NKAP: variants seen among roughly 807,000 people sequenced by gnomAD.
The protein encoded by NKAP is NFKB activating protein.
In NKAP, 4 loss-of-function variants were observed where a neutral mutation model predicts 35.6. That is an observed-to-expected ratio of 0.11 (90% CI 0.06 to 0.26). The LOEUF (loss-of-function observed/expected upper bound fraction) is 0.26. NKAP is among the 10% of genes least tolerant of loss of function. The pLI, the probability that NKAP is intolerant of heterozygous loss-of-function variation, is 1.00. For missense variants in NKAP, 238 were observed against 321.9 expected, an observed-to-expected ratio of 0.74 and a Z score of 1.99; for synonymous variants, 106 against 119.2, an observed-to-expected ratio of 0.89 and a Z score of 0.72.
chrX:119,920,686 A>G lies in NKAP; in HGVS notation c.*4534T>C. 2.7e-6 allele frequency: 2 copies of G among 741,918 alleles called. No homozygotes were observed. Among genetic ancestry groups the G allele is most frequent in the South Asian group, 6.3e-5 (2 of 31,699 alleles). The allele number at this position is 741,918 out of a possible 1,213,427, so 61.1% of individuals were successfully genotyped here. On this transcript the variant is annotated 3_prime_UTR_variant, in exon 9 of 9. Transcript: ENST00000371410. ...AATACAGCACGTCAAACCACAGAAT[A>G]TTTATTGAGTAATAAACTTGTGGCA...
chrX:119,925,935 T>TTTTC (rs1556402589), intron 8 of NKAP, among the ~76,000 whole-genome samples: 1 of 74,571 alleles, frequency 1.3e-5, no homozygotes, highest in South Asian at 7.2e-4. Flanking sequence ...TTTTCTTTTT[T>TTTTC]TTTTTTTTTT....
In NKAP at chrX:119,925,154, T is replaced by C. The variant is rs11550889; in HGVS notation, c.*66A>G. 2.9e-5 allele frequency: 31 copies of C among 1,067,758 alleles called. 1 individual carries two copies. The Middle Eastern group carries it at 4.3e-3, about 147-fold the overall frequency. 88.0% of individuals were successfully genotyped at this position (1,067,758 alleles called of 1,213,427 possible). On this transcript the variant is annotated 3_prime_UTR_variant, in exon 9 of 9. Coordinates refer to ENST00000371410, the MANE Select transcript of NKAP (RefSeq NM_024528.4). ...CTCAGAACATAATAATCTTTTTCTA[T>C]GTATGTGTGGAACCCAGACTTTCTT...
At position 119,930,012 on chromosome X, in the gene NKAP, A is replaced by G. The variant is rs775902506; in HGVS notation, c.1073+4T>C. On this transcript the variant is annotated splice_donor_region_variant and intron_variant, in intron 8 of 8. Coordinates refer to ENST00000371410, the MANE Select transcript of NKAP (RefSeq NM_024528.4). ...GGAAACTGAGCTTAATGCCAACAACATACCTGCTACCACTCATTACATAAC... is the reference window on the plus strand; with the variant it reads ...GGAAACTGAGCTTAATGCCAACAACGTACCTGCTACCACTCATTACATAAC... 99 of 1,187,476 alleles carry G rather than the reference A, an allele frequency of 8.3e-5. 1 individual carries two copies. The South Asian group carries it at 1.9e-3, about 22-fold the overall frequency.
At chrX:119,931,693 C>T (rs1186507423) in intron 7 of NKAP, among the ~76,000 whole-genome samples, 1 of 110,730 alleles carries the variant, frequency 9.0e-6, no homozygotes, top group African/African-American at 3.3e-5. Context: ...CAGGAAGAAA[C>T]TGGCGATAGG....
intron 1 of NKAP, 121 bp downstream of exon 1, chrX:119,943,098 GA>G: frequency 1.1e-6 from 1 of 936,873 alleles, no homozygotes; most frequent in Non-Finnish European, 1.5e-6. Flanking sequence ...AGAAAGGGAT[GA>G]AAATGGGCGC....
At position 119,925,310 on chromosome X, in the gene NKAP, G is replaced by A. The variant is rs1181541161; in HGVS notation, c.1158C>T (p.Asn386=). 7.4e-6 allele frequency: 9 copies of A among 1,210,801 alleles called. No homozygotes were observed. Among genetic ancestry groups the A allele is most frequent in the Admixed American group, 2.2e-5 (1 of 45,846 alleles). Residue 386 remains asparagine, a synonymous_variant, in exon 9 of 9, where the codon AAC becomes AAT. Transcript: ENST00000371410. ...ADEKRALASF[N]QEERRKRENK... Reference sequence around the variant, plus strand: ...TCTCTCTCTTTCGTCTCTCTTCTTGGTTAAAGGATGCAAGGGCTCTCTTCT... The same window carrying A: ...TCTCTCTCTTTCGTCTCTCTTCTTGATTAAAGGATGCAAGGGCTCTCTTCT...
intron 1 of NKAP, among the ~76,000 whole-genome samples, chrX:119,942,198 C>T (rs965056734): frequency 1.8e-5 from 2 of 111,313 alleles, no homozygotes; most frequent in Admixed American, 9.6e-5. Context: ...CTCGGCAGGG[C>T]ATGTGGGGTC....
intron 8 of NKAP, among the ~76,000 whole-genome samples, chrX:119,926,608 G>A (rs975081730): frequency 9.0e-6 from 1 of 111,169 alleles, no homozygotes; most frequent in Non-Finnish European, 1.9e-5. Context: ...CGTCTAATTT[G>A]TTTCCAGTAA....
chrX:119,931,914 T>C (rs1282272778), intron 7 of NKAP, 22 bp downstream of exon 7: 1 of 1,134,025 alleles, frequency 8.8e-7, no homozygotes, highest in South Asian at 1.9e-5. Flanking sequence ...ACTTTAGATA[T>C]TATAAACACA....
At chrX:119,933,291 CT>C (rs2056750579) in intron 5 of NKAP, among the ~76,000 whole-genome samples, 1 of 111,979 alleles carries the variant, frequency 8.9e-6, no homozygotes, top group Admixed American at 9.6e-5. Flanking sequence ...TAGAATCATT[CT>C]GCCTAATAAA....
Position 119,924,498 on chromosome X carries a change from C to G in NKAP, c.*722G>C, listed in dbSNP as rs1376636747. 1 of 109,402 alleles carries G rather than the reference C, an allele frequency of 9.1e-6. No homozygotes were observed. The allele number at this position is 109,402 out of a possible 1,213,427, so 9.0% of individuals were successfully genotyped here. On this transcript the variant is annotated 3_prime_UTR_variant, in exon 9 of 9. Transcript: ENST00000371410. ...CTCCGCCTCCTGGATTCAAGCAATT[C>G]TCCTGCCTCAGCCTCCCGAGTAGTT... is the stretch of plus-strand genomic sequence containing the variant.
Position 119,938,237 on chromosome X carries a change from C to T in NKAP, c.467+493G>A, listed in dbSNP as rs1426365497. Among the ~76,000 whole-genome samples, 4 of 110,387 alleles carry T rather than the reference C, an allele frequency of 3.6e-5. No individual in the cohort carries two copies. The Admixed American group carries it at 3.9e-4, about 11-fold the overall frequency. On this transcript the variant is annotated intron_variant, in intron 2 of 8. Transcript: ENST00000371410. ...CTCTACTAAAAATACAAAAATTAGC[C>T]GGGCATGGTGGCAGGCACCTGTAAT...
chrX:119,926,146 C>T (rs1046506687), intron 8 of NKAP, among the ~76,000 whole-genome samples: 2 of 100,635 alleles, frequency 2.0e-5, no homozygotes, highest in African/African-American at 7.4e-5. Context: ...TTAGTAGAGA[C>T]GGGGTTTCAC....
chrX:119,934,459 A>AAAT, intron 5 of NKAP, 35 bp downstream of exon 5: 1 of 856,756 alleles, frequency 1.2e-6, no homozygotes, highest in Non-Finnish European at 1.6e-6. Context: ...AAAAAAAGAA[A>AAAT]AGAAATTTTC....
rs2056744384 is a variant in NKAP, at chrX:119,932,113, G to C, written c.841C>G (p.Arg281Gly). 1.7e-6 allele frequency: 2 copies of C among 1,204,359 alleles called. No homozygotes were observed. Among genetic ancestry groups the C allele is most frequent in the Non-Finnish European group, 1.1e-6 (1 of 889,830 alleles). Reference sequence around the variant, plus strand: ...GTCTATCAGAAGAACCTACTTGTTCGATCCTTCCAGGGATTTTCCAGAAAC... The same window carrying C: ...GTCTATCAGAAGAACCTACTTGTTCCATCCTTCCAGGGATTTTCCAGAAAC... The part of the protein sequence containing the change: ...EEFLENPWKD[R>G]TKAEEPSDLI... Residue 281 changes from arginine (R) to glycine (G), a missense_variant, in exon 6 of 9, where the codon CGA (arginine) becomes GGA (glycine). Arg to Gly is a moderately radical substitution (Grantham distance 125). This residue lies in a region of NKAP where 89 missense variants were observed against 91.7 expected (regional missense o/e 0.97). Transcript: ENST00000371410.
intron 7 of NKAP, 97 bp downstream of exon 7, chrX:119,931,839 A>C (rs1029114154): frequency 1.5e-5 from 10 of 663,336 alleles, no homozygotes; most frequent in Non-Finnish European, 2.3e-5. Flanking sequence ...AACCTGGAGT[A>C]GAAATAAGGG....
chrX:119,942,964 G>A (rs893489324), intron 1 of NKAP: 3 of 358,547 alleles, frequency 8.4e-6, no homozygotes, highest in South Asian at 6.0e-5. Flanking sequence ...CTGAACTCTC[G>A]GCAATATTCG....
intron 5 of NKAP, 180 bp from the exon 6 acceptor site, chrX:119,932,396 T>A: frequency 2.8e-6 from 1 of 355,772 alleles, no homozygotes; most frequent in East Asian, 4.7e-5. Context: ...AAGATAATTT[T>A]ACTTAAAAAA....
At chrX:119,926,388 T>G (rs2056714149) in intron 8 of NKAP, among the ~76,000 whole-genome samples, 1 of 110,765 alleles carries the variant, frequency 9.0e-6, no homozygotes, top group African/African-American at 3.3e-5. Context: ...TGCCTCAGCC[T>G]CCCGAGTAGC....
Sources: gnomAD v4.1 joint callset for allele counts (sites outside exome capture counted in the v4.1 genomes callset) on GRCh38, gnomAD v4.1.1 for gene constraint, gnomAD v4.1.1 regional missense constraint, MANE v1.5 for transcripts, NCBI Gene and HGNC (gene_info 2026-07-23, HGNC 2026-07-21) for gene names.